Variants in SPTBN5 observed in about 807,000 individuals in gnomAD.
SPTBN5 encodes the protein spectrin beta chain, non-erythrocytic 5.
SPTBN5 carries 513 observed loss-of-function variants against 477.6 expected under a neutral mutation model. The ratio of observed to expected loss-of-function variants is 1.07; its 90% CI spans 1.00 to 1.16. SPTBN5 has a LOEUF of 1.16. Ranked by LOEUF, SPTBN5 falls within the 50% of genes most tolerant of loss-of-function variation. SPTBN5 has a pLI of 0.00. For missense variants in SPTBN5, 5,062 were observed against 4,731.8 expected (o/e 1.07, Z -2.05); for synonymous variants, 2,169 against 2,011.7 (o/e 1.08, Z -2.09).
Position 41,852,172 on chromosome 15 carries a change from G to A in SPTBN5, c.10584+10C>T, listed in dbSNP as rs751151940. On this transcript the variant is annotated intron_variant, in intron 62 of 67. Transcript: ENST00000320955. ...GGCGGGGGTGCCTGCAGCCCCATAG[G>A]GACACCTGCCTGGGGGTCCCTCGTC... 3.2e-6 allele frequency: 5 copies of A among 1,580,938 alleles called. No individual in the cohort carries two copies. The highest frequency in any genetic ancestry group is 4.3e-6 in the Non-Finnish European group (5 of 1,159,380).
intron 66 of SPTBN5, 55 bp from the exon 67 acceptor site, chr15:41,850,014 C>T (rs956990865): frequency 2.8e-6 from 4 of 1,418,380 alleles, no homozygotes; most frequent in Non-Finnish European, 2.9e-6. Context: ...CTGCAGGCGC[C>T]AGGTCTGGCT....
intron 39 of SPTBN5, among the ~76,000 whole-genome samples, chr15:41,864,617 GA>G (rs2066235478): frequency 6.6e-6 from 1 of 152,200 alleles, no homozygotes; most frequent in Non-Finnish European, 1.5e-5. Flanking sequence ...CCCAGCCACA[GA>G]AACTTTTAAA....
At position 41,862,828 on chromosome 15, in the gene SPTBN5, G is replaced by A; in HGVS notation, c.7225C>T (p.Leu2409=). ...TGGATGGGGTGCACTTCCCGCTCCA[G>A]CTCCTCGTGTTTCCGCAGCAGCCTC... The part of the protein sequence containing the change: ...VQRLLRKHEE[L]EREVHPIQAQ... Residue 2409 remains leucine (L), a synonymous_variant, in exon 42 of 68, where the codon CTG becomes TTG. Coordinates refer to ENST00000320955, the MANE Select transcript of SPTBN5 (RefSeq NM_016642.4). 6.3e-7 allele frequency: 1 copy of A among 1,587,134 alleles called. No individual in the cohort carries two copies. The highest frequency in any genetic ancestry group is 2.3e-5 in the East Asian group (1 of 43,444).
In SPTBN5 at chr15:41,879,893, G is replaced by C; in HGVS notation, c.2812-29C>G. The C allele has an allele frequency of 1.9e-6, 3 of 1,612,928 alleles. No homozygotes were observed. In the South Asian group the frequency reaches 3.3e-5, roughly 18 times the overall value. ...GGGAAAAGGAGGACCCAGCCCTCTT[G>C]GGGGACTTTTTCTCTTTCCACACTC... is the stretch of plus-strand genomic sequence containing the variant. On this transcript the variant is annotated intron_variant, in intron 14 of 67. Transcript: ENST00000320955.
intron 29 of SPTBN5, among the ~76,000 whole-genome samples, chr15:41,871,119 C>T (rs1319250409): frequency 6.6e-6 from 1 of 152,204 alleles, no homozygotes; most frequent in Non-Finnish European, 1.5e-5. Flanking sequence ...GATGTCTGGC[C>T]CCACCATCTT....
At chr15:41,866,909 T>G (rs1431517761) in intron 36 of SPTBN5, 50 bp downstream of exon 36, 43 of 1,508,682 alleles carry the variant, frequency 2.9e-5, no homozygotes, top group Non-Finnish European at 3.6e-5. Context: ...GGCTGAAAAC[T>G]GTCGAGTGTG....
rs370759315 is a variant in SPTBN5 at position 41,879,479 on chromosome 15, A to G, written c.2963T>C (p.Leu988Pro). Residue 988 changes from leucine to proline, a missense_variant, in exon 16 of 68, where the codon CTG (leucine) becomes CCG (proline). Transcript: ENST00000320955. ...LSQRWGQLEA[L>P]KREKAVQLAH... The stretch of plus-strand genomic sequence containing the variant: ...CAGCTGCACGGCCTTCTCCCTCTTC[A>G]GGGCCTCCAGCTGCCCCCACCTGGG... The G allele has an allele frequency of 3.8e-6, 6 of 1,577,078 alleles. No homozygotes were observed. The African/African-American group carries it at 8.1e-5, about 21-fold the overall frequency.
At chr15:41,875,322 G>C in intron 22 of SPTBN5, 136 bp downstream of exon 22, 3 of 1,158,356 alleles carry the variant, frequency 2.6e-6, no homozygotes, top group South Asian at 3.2e-5. Flanking sequence ...GCCACGCTCA[G>C]CTTGTCCTAG....
At chr15:41,852,105 C>G in intron 62 of SPTBN5, 77 bp downstream of exon 62, 1 of 1,490,130 alleles carries the variant, frequency 6.7e-7, no homozygotes, top group East Asian at 2.3e-5. Flanking sequence ...TGGGCCCTCA[C>G]CCCCACAGCC....
intron 39 of SPTBN5, 80 bp downstream of exon 39, chr15:41,865,728 G>T: frequency 2.3e-6 from 3 of 1,324,182 alleles, no homozygotes; most frequent in Non-Finnish European, 3.1e-6. Flanking sequence ...CTGCTCTACA[G>T]CCCACACTCT....
Position 41,857,617 on chromosome 15 carries a change from C to G in SPTBN5, c.8320G>C (p.Asp2774His). The change falls in exon 50 of 68, where the codon GAC (aspartate) becomes CAC (histidine). Residue 2774 changes from aspartate (D) to histidine (H), a missense_variant. Transcript: ENST00000320955. ...ELGALWGELQDNSQKKVAKLQ... is the reference protein window; with the variant it reads ...ELGALWGELQHNSQKKVAKLQ... ...TTGGCCACCTTCTTCTGGGAGTTGT[C>G]TTGCAGCTCACCCCAGAGTGCTCCC... 6.2e-7 allele frequency: 1 copy of G among 1,607,066 alleles called. No homozygotes were observed. The highest frequency in any genetic ancestry group is 1.1e-5 in the South Asian group (1 of 89,568).
At chr15:41,874,135 C>A (rs58090119) in intron 24 of SPTBN5, 90 bp from the exon 25 acceptor site, 77,463 of 1,512,394 alleles carry the variant, frequency 0.051, 2,552 homozygotes, top group East Asian at 0.17. Flanking sequence ...CCAATCATGG[C>A]AAGACCCCCA....
chr15:41,882,527 G>T, intron 10 of SPTBN5, 58 bp from the exon 11 acceptor site: 4 of 1,582,054 alleles, frequency 2.5e-6, no homozygotes, highest in African/African-American at 1.3e-5. Context: ...GGGGCCGGGG[G>T]CCCGAGAGGG....
chr15:41,871,051 C>T (rs557318420), intron 29 of SPTBN5, among the ~76,000 whole-genome samples: 28 of 152,348 alleles, frequency 1.8e-4, no homozygotes, highest in African/African-American at 5.3e-4. Context: ...AGGAACCACA[C>T]GAGGCATGGG....
rs1419050937 is a variant in SPTBN5 at position 41,885,779 on chromosome 15, G to T, written c.1476C>A (p.Ile492=). ...RFQALAEIAD[I]LRQEQYHSWA... ...AGCTGTGGTACTGCTCCTGCCGGAG[G>T]ATGTCTGCGATCTCAGCCAGGGCCT... The change falls in exon 7 of 68, where the codon ATC becomes ATA. Residue 492 remains isoleucine (I), a synonymous_variant. Coordinates refer to ENST00000320955, the MANE Select transcript of SPTBN5 (RefSeq NM_016642.4). 1 of 1,557,754 alleles carries T rather than the reference G, an allele frequency of 6.4e-7. No homozygotes were observed.
At chr15:41,848,827 T>C (rs2065645724) in intron 67 of SPTBN5, among the ~76,000 whole-genome samples, 199 bp from the exon 68 acceptor site, 1 of 152,134 alleles carries the variant, frequency 6.6e-6, no homozygotes, top group African/African-American at 2.4e-5. Flanking sequence ...TGCCTCGACT[T>C]TCATAACCCA....
Position 41,875,025 on chromosome 15 carries a change from C to T in SPTBN5, c.4319G>A (p.Gly1440Glu). The T allele has an allele frequency of 2.5e-6, 4 of 1,613,282 alleles. No homozygotes were observed. The highest frequency in any genetic ancestry group is 3.4e-6 in the Non-Finnish European group (4 of 1,179,686). ...CCCTGTTTCCGAGCTCTGTAGGGCC[C>T]CTTCGAGCTGCTCCAGCTGCTCCTT... ...DAKEQLEQLEGALQSSETGQD... is the reference protein window; with the variant it reads ...DAKEQLEQLEEALQSSETGQD... The change falls in exon 23 of 68, where the codon GGG becomes GAG. Residue 1440 changes from glycine (G) to glutamate (E), a missense_variant. Physicochemically the swap from Gly to Glu is moderately conservative, Grantham distance 98. Transcript: ENST00000320955.
In SPTBN5 at chr15:41,855,245, C is replaced by T; in HGVS notation, c.9402G>A (p.Gly3134=). 1 of 1,612,136 alleles carries T rather than the reference C, an allele frequency of 6.2e-7. No individual in the cohort carries two copies. The highest frequency in any genetic ancestry group is 1.7e-5 in the Admixed American group (1 of 59,978). ...TCACCTTGACACCCTCCAGGTCCTGCCCGTAGTCCTGGGACTCGGCGGTGG... is the reference window on the plus strand; with the variant it reads ...TCACCTTGACACCCTCCAGGTCCTGTCCGTAGTCCTGGGACTCGGCGGTGG... ...KAATAESQDY[G]QDLEGVKVLE... Residue 3134 remains glycine (G), a synonymous_variant, in exon 55 of 68, where the codon GGG becomes GGA. Transcript: ENST00000320955.
Position 41,865,810 on chromosome 15 carries a change from C to G in SPTBN5, c.6916G>C (p.Gly2306Arg). The change falls in exon 39 of 68, where the codon GGG becomes CGG. Residue 2306 changes from glycine (G) to arginine (R), a missense_variant and splice_region_variant. Gly to Arg is a moderately radical substitution (Grantham distance 125, BLOSUM62 -2). Coordinates refer to ENST00000320955, the MANE Select transcript of SPTBN5 (RefSeq NM_016642.4). ...TCTACCCAGCAAGGCCCTCTTACCCCGGCCGAGTTTCCTCGGAACTCGCGG... is the reference window on the plus strand; with the variant it reads ...TCTACCCAGCAAGGCCCTCTTACCCGGGCCGAGTTTCCTCGGAACTCGCGG... Reference protein sequence around the residue: ...RLREFRGNSAGDTVGDACIRS... With the variant: ...RLREFRGNSARDTVGDACIRS... 6.4e-7 allele frequency: 1 copy of G among 1,557,816 alleles called. No individual in the cohort carries two copies. Among genetic ancestry groups the G allele is most frequent in the Non-Finnish European group, 8.7e-7 (1 of 1,151,370 alleles).
Sources: allele counts gnomAD v4.1 joint callset (sites outside exome capture counted in the v4.1 genomes callset), GRCh38; gene constraint gnomAD v4.1.1; transcripts MANE v1.5; gene names NCBI Gene and HGNC (gene_info 2026-07-23, HGNC 2026-07-21).